The following CAST variants were observed in gnomAD, a reference collection of about 807,000 sequenced individuals.
CAST encodes calpastatin.
CAST carries 76 observed loss-of-function variants against 119.6 expected under a neutral mutation model. The ratio of observed to expected loss-of-function variants is 0.64; its 90% CI spans 0.53 to 0.77. CAST has a LOEUF of 0.77. Among genes scored for constraint, CAST ranks in the 30% least tolerant of loss-of-function variants. CAST has a pLI of 0.00. For synonymous variants in CAST, 319 were observed against 331.6 expected, an observed-to-expected ratio of 0.96 and a Z score of 0.41; for missense variants, 953 against 946.5, an observed-to-expected ratio of 1.01 and a Z score of -0.09.
At chr5:95,973,477 T>G in the CAST span, 1 of 152,306 alleles carries the variant, frequency 6.6e-6, no homozygotes, top group Admixed American at 6.5e-5. Flanking sequence ...AGGGTCTGGC[T>G]CAGGGGTGGG....
chr5:96,369,052 T>C, the CAST span, among the ~76,000 whole-genome samples: 5 of 152,002 alleles, frequency 3.3e-5, no homozygotes, highest in Non-Finnish European at 7.4e-5. Flanking sequence ...TTAATGATTA[T>C]TTCATCCATG....
the CAST span, among the ~76,000 whole-genome samples, chr5:96,082,404 C>T: frequency 2.0e-5 from 3 of 152,132 alleles, no homozygotes; most frequent in African/African-American, 7.2e-5. Context: ...AAGCAGGGCA[C>T]GAGGAACTCA....
chr5:96,586,265 C>T (rs1746858255), intron 1 of CAST, among the ~76,000 whole-genome samples: 1 of 151,924 alleles, frequency 6.6e-6, no homozygotes. Flanking sequence ...CCTTTTTTTT[C>T]CCCTGTGGCT....
the CAST span, among the ~76,000 whole-genome samples, chr5:96,224,245 C>G: frequency 6.6e-6 from 1 of 152,150 alleles, no homozygotes; most frequent in South Asian, 2.1e-4. Flanking sequence ...GAAGAGTAAT[C>G]CAGACATTTA....
At chr5:96,243,667 C>T in the CAST span, among the ~76,000 whole-genome samples, 3 of 152,068 alleles carry the variant, frequency 2.0e-5, no homozygotes, top group Non-Finnish European at 2.9e-5. Flanking sequence ...ATATTTTGCT[C>T]GCCAGAAATA....
chr5:96,262,894 T>G, the CAST span, among the ~76,000 whole-genome samples: 2 of 152,136 alleles, frequency 1.3e-5, no homozygotes, highest in African/African-American at 4.8e-5. Flanking sequence ...CTTGCTCAAC[T>G]GGTTTTTCTC....
At chr5:96,716,110 A>G (rs981373065) in intron 3 of CAST, among the ~76,000 whole-genome samples, 4 of 152,204 alleles carry the variant, frequency 2.6e-5, no homozygotes, top group African/African-American at 9.6e-5. Flanking sequence ...CATTTCCTGA[A>G]GTGAATAATC....
At chr5:96,755,912 G>C (rs1766211535) in intron 22 of CAST, among the ~76,000 whole-genome samples, 1 of 152,192 alleles carries the variant, frequency 6.6e-6, no homozygotes, top group Admixed American at 6.5e-5. Context: ...ATTCAGTAGA[G>C]GCTGGTCAAG....
chr5:96,133,669 G>A, the CAST span, among the ~76,000 whole-genome samples: 1 of 152,024 alleles, frequency 6.6e-6, no homozygotes, highest in Non-Finnish European at 1.5e-5. Context: ...ACAAATTTTT[G>A]TAATATTTTA....
chr5:96,432,896 G>T, the CAST span: 1 of 1,613,982 alleles, frequency 6.2e-7, no homozygotes, highest in African/African-American at 1.3e-5. Flanking sequence ...GCTCCTCGGC[G>T]ATGGCCGAGG....
chr5:96,491,670 T>C, the CAST span, among the ~76,000 whole-genome samples: 1 of 152,164 alleles, frequency 6.6e-6, no homozygotes, highest in African/African-American at 2.4e-5. Context: ...CCTAGATATA[T>C]GCCCAACAGG....
At chr5:96,022,416 A>T in the CAST span, among the ~76,000 whole-genome samples, 1 of 152,350 alleles carries the variant, frequency 6.6e-6, no homozygotes, top group East Asian at 1.9e-4. Flanking sequence ...ATTTAAAACA[A>T]GTAAAAAAAT....
chr5:96,636,251 A>G (rs1412184762), intron 1 of CAST, among the ~76,000 whole-genome samples: 1 of 152,178 alleles, frequency 6.6e-6, no homozygotes, highest in Non-Finnish European at 1.5e-5. Flanking sequence ...TCATCTGATA[A>G]TGAGTATAAT....
At chr5:96,456,284 A>G in the CAST span, among the ~76,000 whole-genome samples, 1 of 152,350 alleles carries the variant, frequency 6.6e-6, no homozygotes, top group South Asian at 2.1e-4. Context: ...AAACTAAATC[A>G]AAGTGTTTAA....
At position 96,765,235 on chromosome 5, in the gene CAST, C is replaced by T. The variant is rs773618161; in HGVS notation, c.1947C>T (p.Asp649=). The change falls in exon 26 of 32, where the codon GAC becomes GAT. Residue 649 remains aspartate (D), a synonymous_variant. Transcript: ENST00000675179. The part of the protein sequence containing the change: ...PPRDTSQSDK[D]LDDALDKLSD... Reference sequence around the variant, plus strand: ...TTACTTTTCAGCAGAGTGACAAAGACCTCGATGATGCCTTGGATAAACTCT... The same window carrying T: ...TTACTTTTCAGCAGAGTGACAAAGATCTCGATGATGCCTTGGATAAACTCT... The T allele has an allele frequency of 6.2e-7, 1 of 1,601,530 alleles. No homozygotes were observed. Among genetic ancestry groups the T allele is most frequent in the South Asian group, 1.1e-5 (1 of 90,634 alleles).
At chr5:96,743,121 GTCT>G (rs1234578991) in intron 16 of CAST, among the ~76,000 whole-genome samples, 3 of 152,304 alleles carry the variant, frequency 2.0e-5, no homozygotes, top group Admixed American at 2.0e-4. Flanking sequence ...AGAAGGAGAT[GTCT>G]ATACACGGAG....
chr5:96,104,043 T>C, the CAST span, among the ~76,000 whole-genome samples: 3 of 152,174 alleles, frequency 2.0e-5, no homozygotes, highest in Non-Finnish European at 2.9e-5. Flanking sequence ...TTTTGAGAAG[T>C]GTCTGTTCAT....
intron 1 of CAST, among the ~76,000 whole-genome samples, chr5:96,639,447 C>T (rs141364372): frequency 3.9e-5 from 6 of 152,338 alleles, no homozygotes; most frequent in Non-Finnish European, 8.8e-5. Context: ...TTTATCTCCT[C>T]TTCTTCATCC....
chr5:96,435,093 C>T, the CAST span, among the ~76,000 whole-genome samples: 278 of 152,296 alleles, frequency 1.8e-3, 1 homozygote, highest in South Asian at 6.0e-3. Flanking sequence ...GTTTCATTCT[C>T]ACAGCAGACA....
Sources: gnomAD v4.1 joint callset for allele counts (sites outside exome capture counted in the v4.1 genomes callset) on GRCh38, gnomAD v4.1.1 for gene constraint, MANE v1.5 for transcripts, NCBI Gene and HGNC (gene_info 2026-07-23, HGNC 2026-07-21) for gene names.